Variants in IGSF9B observed in about 807,000 individuals in gnomAD.
IGSF9B encodes protein turtle homolog B.
Under a neutral mutation model 143.7 loss-of-function variants are expected in IGSF9B, and 48 were observed. The observed-to-expected ratio is 0.33, with a 90% CI of 0.26 to 0.42. The LOEUF is 0.42. Among genes scored for constraint, IGSF9B ranks in the 20% least tolerant of loss-of-function variants. The pLI is 1.00. For missense variants in IGSF9B, 1,706 were observed against 1,980.0 expected, an observed-to-expected ratio of 0.86 and a Z score of 2.63; for synonymous variants, 903 against 833.1, an observed-to-expected ratio of 1.08 and a Z score of -1.44.
In IGSF9B at chr11:133,940,923, G is replaced by A. The variant is rs113236557; in HGVS notation, c.410-2962C>T. ...TTGCAGGCCTCTTCTCACTGAGAGCGTGCTTATCTCCGACACAGCCCCTGC... is the reference window on the plus strand; with the variant it reads ...TTGCAGGCCTCTTCTCACTGAGAGCATGCTTATCTCCGACACAGCCCCTGC... On this transcript the variant is annotated intron_variant, in intron 3 of 19. Transcript: ENST00000533871. 6.3e-3 allele frequency among the ~76,000 whole-genome samples: 959 copies of A among 152,330 alleles called. 13 individuals are homozygous for A. Among genetic ancestry groups the A allele is most frequent in the African/African-American group, 0.022 (925 of 41,562 alleles).
At chr11:133,933,024 G>GCAGA (rs1211740282) in intron 7 of IGSF9B, among the ~76,000 whole-genome samples, 23 of 143,444 alleles carry the variant, frequency 1.6e-4, no homozygotes, top group African/African-American at 4.4e-4. Context: ...AGGTGGGAGA[G>GCAGA]CAGACAGACA....
At chr11:133,919,257 G>A (rs1465125011) in intron 18 of IGSF9B, among the ~76,000 whole-genome samples, 2 of 152,134 alleles carry the variant, frequency 1.3e-5, no homozygotes, top group Non-Finnish European at 1.5e-5. Context: ...GGGAACAGGA[G>A]GCCCCTGGCC....
Position 133,946,196 on chromosome 11 carries a change from G to A in IGSF9B, c.127C>T (p.Leu43=), listed in dbSNP as rs1418544506. 1 of 1,613,564 alleles carries A rather than the reference G, an allele frequency of 6.2e-7. No homozygotes were observed. Among genetic ancestry groups the A allele is most frequent in the Non-Finnish European group, 8.5e-7 (1 of 1,179,750 alleles). The change falls in exon 2 of 20, where the codon CTG becomes TTG. Residue 43 remains leucine (L), a synonymous_variant. Transcript: ENST00000533871. Reference sequence around the variant, plus strand: ...ACTGGGTGGATCACGTCGCATCGCAGGACCACGCTCTCCCCAGCTCTTGCC... The same window carrying A: ...ACTGGGTGGATCACGTCGCATCGCAAGACCACGCTCTCCCCAGCTCTTGCC... The part of the protein sequence containing the change: ...VTARAGESVV[L]RCDVIHPVTG...
In IGSF9B at chr11:133,929,683, G is replaced by T; in HGVS notation, c.1619C>A (p.Thr540Lys). Residue 540 changes from threonine (T) to lysine (K), a missense_variant, in exon 12 of 20, where the codon ACA (threonine) becomes AAA (lysine). By Grantham distance (78) the Thr-to-Lys change is moderately conservative. Around this residue, in one of 7 missense-constraint regions of IGSF9B, gnomAD observed 267 missense variants for 321.1 expected, o/e 0.83. Transcript: ENST00000533871. ...EPGYDGGYEQ[T>K]FSVWMKRAQF... ...CAGAGGTCCGTACCAAACTGAGAATGTCTGCTCGTAGCCTCCATCATAGCC... is the reference window on the plus strand; with the variant it reads ...CAGAGGTCCGTACCAAACTGAGAATTTCTGCTCGTAGCCTCCATCATAGCC... The T allele has an allele frequency of 6.2e-7, 1 of 1,611,700 alleles. No homozygotes were observed. The highest frequency in any genetic ancestry group is 8.5e-7 in the Non-Finnish European group (1 of 1,177,796).
chr11:133,919,426 C>CG (rs1391873364), intron 18 of IGSF9B, among the ~76,000 whole-genome samples: 1 of 152,208 alleles, frequency 6.6e-6, no homozygotes, highest in African/African-American at 2.4e-5. Flanking sequence ...CCAAGAGGGA[C>CG]GGGGTCCACC....
intron 17 of IGSF9B, 79 bp downstream of exon 17, chr11:133,922,098 G>C (rs1037028809): frequency 8.4e-7 from 1 of 1,183,868 alleles, no homozygotes; most frequent in African/African-American, 1.5e-5. Context: ...CACTAACATG[G>C]GGCTGGGTAA....
chr11:133,920,671 C>T lies in IGSF9B; in HGVS notation c.3054G>A (p.Glu1018=). Residue 1018 remains glutamate, a synonymous_variant, in exon 18 of 20, where the codon GAG becomes GAA. Coordinates refer to ENST00000533871, the MANE Select transcript of IGSF9B (RefSeq NM_001277285.4). ...GHPTIPEENG[E]NASNSTLPLT... is the part of the protein sequence containing the mutation. The stretch of plus-strand genomic sequence containing the variant: ...AGGGCAGCGTGCTGTTGGATGCATT[C>T]TCTCCATTCTCCTCGGGGATGGTGG... The T allele has an allele frequency of 6.2e-7, 1 of 1,613,536 alleles. No individual in the cohort carries two copies. Among genetic ancestry groups the T allele is most frequent in the Non-Finnish European group, 8.5e-7 (1 of 1,179,826 alleles).
rs777411501 is a variant in IGSF9B, at chr11:133,921,079, C to T, written c.2646G>A (p.Glu882=). Residue 882 remains glutamate, a synonymous_variant, in exon 18 of 20, where the codon GAG becomes GAA. Transcript: ENST00000533871. ...RRIEGFPFAE[E]TDMYPEFRQS... ...GGCGGAACTCGGGGTACATGTCCGT[C>T]TCCTCGGCGAAGGGGAAGCCCTCGA... The T allele has an allele frequency of 6.2e-7, 1 of 1,613,918 alleles. No individual in the cohort carries two copies. The highest frequency in any genetic ancestry group is 1.3e-5 in the African/African-American group (1 of 75,078).
chr11:133,956,864 C>T lies in IGSF9B; in HGVS notation c.-110G>A, dbSNP rs750588697. 1.9e-4 allele frequency: 108 copies of T among 555,814 alleles called. No homozygotes were observed. The highest frequency in any genetic ancestry group is 2.5e-4 in the Non-Finnish European group (89 of 360,058). 34.4% of individuals were successfully genotyped at this position (555,814 alleles called of 1,614,324 possible). A position where few individuals can be genotyped will look rare whatever the true frequency, so the allele number is the denominator to read the frequency against. ...GCGCCCGCCTCGCGCCGCCTACGCC[C>T]CGCGCCGGTGCTCCTGCAGCCCGGG... On this transcript the variant is annotated 5_prime_UTR_variant, in exon 1 of 20. Coordinates refer to ENST00000533871, the MANE Select transcript of IGSF9B (RefSeq NM_001277285.4).
intron 18 of IGSF9B, chr11:133,918,917 A>G: frequency 2.2e-6 from 1 of 457,324 alleles, no homozygotes. Flanking sequence ...TAGGAGAGAG[A>G]AAGACTGACT....
chr11:133,915,179 C>T (rs1939357534), intron 18 of IGSF9B, among the ~76,000 whole-genome samples: 1 of 151,894 alleles, frequency 6.6e-6, no homozygotes, highest in South Asian at 2.1e-4. Flanking sequence ...GGGATTACTC[C>T]AAGATGAGGG....
intron 17 of IGSF9B, 73 bp from the exon 18 acceptor site, chr11:133,921,470 T>C: frequency 8.4e-7 from 1 of 1,192,848 alleles, no homozygotes; most frequent in Non-Finnish European, 1.1e-6. Flanking sequence ...TTTCCCTCTC[T>C]CGGCAACCAC....
chr11:133,956,621 CCGAGGGGCCGGGCG>C (rs1373022113), intron 1 of IGSF9B, 56 bp downstream of exon 1: 4 of 1,083,334 alleles, frequency 3.7e-6, no homozygotes, highest in Admixed American at 4.6e-5. Flanking sequence ...AGCCGGGAAA[CCGAGGGGCCGGGCG>C]CGAGGGGCCG....
intron 11 of IGSF9B, among the ~76,000 whole-genome samples, chr11:133,930,714 C>A (rs915596021): frequency 2.0e-5 from 3 of 152,212 alleles, no homozygotes; most frequent in African/African-American, 7.2e-5. Flanking sequence ...AGCCACACAG[C>A]CGCCTCTTTC....
intron 18 of IGSF9B, among the ~76,000 whole-genome samples, chr11:133,918,398 C>A (rs1022492899): frequency 6.6e-6 from 1 of 152,068 alleles, no homozygotes; most frequent in East Asian, 1.9e-4. Flanking sequence ...CAGCGAGCAC[C>A]GGACAGGCGA....
rs112387633 is a variant in IGSF9B at position 133,947,708 on chromosome 11, TTCTCTCTCTCTC to T, written c.65-1462_65-1451del. Among the ~76,000 whole-genome samples the T allele has an allele frequency of 1.7e-3, 231 of 134,910 alleles. 1 individual carries two copies. The highest frequency in any genetic ancestry group is 6.0e-3 in the African/African-American group (221 of 36,592). 88.5% of individuals were successfully genotyped at this position (134,910 alleles called of 152,430 possible). ...CACATGCTGGGCTCCTCTGTGTTTG[TTCTCTCTCTCTC>T]TCTCTCTCTCTCTCTCTCTCGCATC... On this transcript the variant is annotated intron_variant, in intron 1 of 19. Transcript: ENST00000533871.
At chr11:133,926,445 G>A (rs1484825637) in intron 13 of IGSF9B, among the ~76,000 whole-genome samples, 4 of 152,204 alleles carry the variant, frequency 2.6e-5, no homozygotes, top group Non-Finnish European at 5.9e-5. Context: ...TGTTCACAGT[G>A]GCCCTTTCTC....
chr11:133,931,759 G>A lies in IGSF9B; in HGVS notation c.1147C>T (p.Arg383Ter), dbSNP rs1397187948. The change falls in exon 9 of 20, where the codon CGA becomes TGA. Residue 383 changes from arginine (R) to a stop codon, truncating the protein, a stop_gained. Coordinates refer to ENST00000533871, the MANE Select transcript of IGSF9B (RefSeq NM_001277285.4). LOFTEE classifies it high-confidence loss of function. The surrounding 1 kb of genome is among the most constrained non-coding windows in gnomAD (Gnocchi z 7.7). ...GCCTCCTCTGTGGCCTCCTCAATTC[G>A]AATGGAGCCATCCTCCATCAGGGTC... ...GWTLMEDGSI[R>*]IEEATEEALG... is the part of the protein sequence containing the mutation. 3.7e-6 allele frequency: 6 copies of A among 1,612,044 alleles called. No homozygotes were observed. Among genetic ancestry groups the A allele is most frequent in the Admixed American group, 1.7e-5 (1 of 59,496 alleles).
intron 5 of IGSF9B, 150 bp from the exon 6 acceptor site, chr11:133,936,344 G>A (rs1939822969): frequency 1.4e-6 from 1 of 705,428 alleles, no homozygotes; most frequent in South Asian, 1.8e-5. Context: ...GATGCTATCT[G>A]TGCTCAGGCA....
Sources: allele counts gnomAD v4.1 joint callset (sites outside exome capture counted in the v4.1 genomes callset), GRCh38; gene constraint gnomAD v4.1.1; regional missense constraint gnomAD v4.1.1; non-coding constraint Gnocchi (gnomAD v3.1); transcripts MANE v1.5; gene names NCBI Gene and HGNC (gene_info 2026-07-23, HGNC 2026-07-21).